RECK: variants seen among roughly 807,000 people sequenced by gnomAD.
RECK encodes the protein reversion inducing cysteine rich protein with kazal motifs, also known as reversion-inducing cysteine-rich protein with Kazal motifs.
In RECK, 69 loss-of-function variants were observed where a neutral mutation model predicts 115.1. The ratio of observed to expected loss-of-function variants is 0.60; its 90% CI spans 0.49 to 0.73. The LOEUF is 0.73. RECK is among the 30% of genes least tolerant of loss of function. The probability of loss-of-function intolerance (pLI) is 0.00; values close to 1 mark genes in which losing one functional copy is unlikely to be tolerated. For synonymous variants in RECK, 414 were observed against 419.7 expected (o/e 0.99, Z 0.17); for missense variants, 1,047 against 1,203.7 (o/e 0.87, Z 1.93).
intron 5 of RECK, 80 bp from the exon 6 acceptor site, chr9:36,065,497 C>A: frequency 1.8e-6 from 2 of 1,096,536 alleles, no homozygotes; most frequent in Non-Finnish European, 2.5e-6. Context: ...CAGTAATTAA[C>A]AAATGCTAAT....
rs1316333866 is a variant in RECK, at chr9:36,063,791, T to C, written c.272-4T>C. 6.2e-7 allele frequency: 1 copy of C among 1,613,656 alleles called. No individual in the cohort carries two copies. The highest frequency in any genetic ancestry group is 8.5e-7 in the Non-Finnish European group (1 of 1,179,686). On this transcript the variant is annotated splice_region_variant and splice_polypyrimidine_tract_variant and intron_variant, in intron 4 of 20. Coordinates refer to ENST00000377966, the MANE Select transcript of RECK (RefSeq NM_021111.3). ...CCAAAACATTTAAACATTTTGTTTT[T>C]AAGGTGTGTTTAAGAAGTCTGATGG...
At chr9:36,105,547 A>G (rs953677677) in intron 13 of RECK, among the ~76,000 whole-genome samples, 1 of 152,234 alleles carries the variant, frequency 6.6e-6, no homozygotes, top group African/African-American at 2.4e-5. Context: ...ACTAATAATA[A>G]CAGTCTAAAA....
At chr9:36,077,583 G>A (rs1050612447) in intron 6 of RECK, among the ~76,000 whole-genome samples, 1 of 151,668 alleles carries the variant, frequency 6.6e-6, no homozygotes, top group Non-Finnish European at 1.5e-5. Flanking sequence ...GGGTAAAGAG[G>A]CAAGATGGTA....
At chr9:36,058,033 G>A (rs2132575659) in intron 2 of RECK, among the ~76,000 whole-genome samples, 1 of 150,012 alleles carries the variant, frequency 6.7e-6, no homozygotes, top group Non-Finnish European at 1.5e-5. Flanking sequence ...GGAGAAATAG[G>A]AACACTTTTA....
intron 6 of RECK, among the ~76,000 whole-genome samples, chr9:36,080,379 G>C (rs1219591183): frequency 6.6e-6 from 1 of 152,166 alleles, no homozygotes. Flanking sequence ...GCTATAACTG[G>C]TCAGCTTATG....
At chr9:36,106,028 ATG>A (rs1823794935) in intron 13 of RECK, among the ~76,000 whole-genome samples, 1 of 151,940 alleles carries the variant, frequency 6.6e-6, no homozygotes, top group Non-Finnish European at 1.5e-5. Flanking sequence ...CCTGGCTAAC[ATG>A]GTGAAACCTT....
At chr9:36,095,986 T>C (rs542691571) in intron 10 of RECK, among the ~76,000 whole-genome samples, 2 of 149,850 alleles carry the variant, frequency 1.3e-5, no homozygotes, top group Admixed American at 1.3e-4. Context: ...GAGAATCTCT[T>C]GAACCTGGGA....
At position 36,112,158 on chromosome 9, in the gene RECK, C is replaced by T. The variant is rs1160740537; in HGVS notation, c.1889-147C>T. ...AAAAAAAAAAAACCCTGTCAGAGAT[C>T]GGAGAGAAGGTTTTTCCTGACTTAA... On this transcript the variant is annotated intron_variant, in intron 15 of 20. Coordinates refer to ENST00000377966, the MANE Select transcript of RECK (RefSeq NM_021111.3). 1.8e-5 allele frequency: 8 copies of T among 453,814 alleles called. No individual in the cohort carries two copies. The Admixed American group carries it at 1.8e-4, about 10-fold the overall frequency. 28.1% of individuals were successfully genotyped at this position (453,814 alleles called of 1,614,324 possible).
chr9:36,069,572 G>C lies in RECK; in HGVS notation c.405+3948G>C, dbSNP rs1255752826. Among the ~76,000 whole-genome samples, 3 of 151,948 alleles carry C rather than the reference G, an allele frequency of 2.0e-5. No homozygotes were observed. The South Asian group carries it at 6.2e-4, about 32-fold the overall frequency. ...GTATAATTGAAATACAAACACAATGGATGGGTGTTATAATAGTTTAGGTAC... is the reference window on the plus strand; with the variant it reads ...GTATAATTGAAATACAAACACAATGCATGGGTGTTATAATAGTTTAGGTAC... On this transcript the variant is annotated intron_variant, in intron 6 of 20. Transcript: ENST00000377966.
At chr9:36,114,353 C>T (rs934080799) in intron 16 of RECK, among the ~76,000 whole-genome samples, 2 of 152,184 alleles carry the variant, frequency 1.3e-5, no homozygotes, top group African/African-American at 2.4e-5. Context: ...ATTAAAACTA[C>T]AATTGTGTAC....
rs138973621 is a variant in RECK, at chr9:36,071,559, C to T, written c.405+5935C>T. 4.2e-3 allele frequency among the ~76,000 whole-genome samples: 642 copies of T among 152,236 alleles called. 5 individuals are homozygous for T. The highest frequency in any genetic ancestry group is 0.015 in the African/African-American group (606 of 41,556). The stretch of plus-strand genomic sequence containing the variant: ...TTTTTTACTTGTTTCTTCCTTCTTT[C>T]ACAGATTCTTCTCTAAGCTTTTCTT... On this transcript the variant is annotated intron_variant, in intron 6 of 20. Coordinates refer to ENST00000377966, the MANE Select transcript of RECK (RefSeq NM_021111.3).
At position 36,102,145 on chromosome 9, in the gene RECK, T is replaced by C; in HGVS notation, c.1350T>C (p.Pro450=). 6 of 1,613,896 alleles carry C rather than the reference T, an allele frequency of 3.7e-6. No homozygotes were observed. The highest frequency in any genetic ancestry group is 5.1e-6 in the Non-Finnish European group (6 of 1,179,798). Residue 450 remains proline (P), a synonymous_variant, in exon 12 of 21, where the codon CCT becomes CCC. Transcript: ENST00000377966. The part of the protein sequence containing the change: ...LKKCGDQNKF[P]EDHTAESICE... Reference sequence around the variant, plus strand: ...AATGTGGAGACCAGAACAAATTCCCTGAAGACCACACAGCTGAAAGTATTT... The same window carrying C: ...AATGTGGAGACCAGAACAAATTCCCCGAAGACCACACAGCTGAAAGTATTT...
chr9:36,038,879 C>T (rs1053182534), intron 1 of RECK, among the ~76,000 whole-genome samples: 1 of 151,598 alleles, frequency 6.6e-6, no homozygotes, highest in East Asian at 1.9e-4. Flanking sequence ...TATGAAGTTT[C>T]TTTTGGGAGT....
chr9:36,076,940 G>A (rs1393890666), intron 6 of RECK, among the ~76,000 whole-genome samples: 1 of 152,138 alleles, frequency 6.6e-6, no homozygotes, highest in Non-Finnish European at 1.5e-5. Context: ...GGCAGTCTGG[G>A]TTCCAGCCCT....
chr9:36,042,920 GGTA>G, intron 1 of RECK, among the ~76,000 whole-genome samples: 2 of 151,030 alleles, frequency 1.3e-5, no homozygotes, highest in Admixed American at 1.3e-4. Context: ...GCATTTCCCT[GGTA>G]ATTAGTGATG....
intron 13 of RECK, among the ~76,000 whole-genome samples, chr9:36,105,879 A>G (rs575582800): frequency 3.3e-5 from 5 of 152,202 alleles, no homozygotes; most frequent in African/African-American, 9.6e-5. Context: ...CTTTTTATCT[A>G]TTTCCCAATT....
intron 16 of RECK, among the ~76,000 whole-genome samples, chr9:36,114,439 G>A (rs145268322): frequency 1.0e-3 from 152 of 152,336 alleles, no homozygotes; most frequent in African/African-American, 3.4e-3. Flanking sequence ...TCATACAAGA[G>A]GGAGCTGGAG....
At chr9:36,046,149 CTA>C (rs1821065095) in intron 1 of RECK, among the ~76,000 whole-genome samples, 1 of 152,058 alleles carries the variant, frequency 6.6e-6, no homozygotes, top group South Asian at 2.1e-4. Flanking sequence ...GAGTTTTAAA[CTA>C]TTATTCTTGA....
chr9:36,070,024 G>A (rs1260873991), intron 6 of RECK, among the ~76,000 whole-genome samples: 1 of 152,142 alleles, frequency 6.6e-6, no homozygotes, highest in African/African-American at 2.4e-5. Flanking sequence ...GCAAAATTAA[G>A]CTAGTTCTAA....
Sources: gnomAD v4.1 joint callset for allele counts (sites outside exome capture counted in the v4.1 genomes callset) on GRCh38, gnomAD v4.1.1 for gene constraint, MANE v1.5 for transcripts, NCBI Gene and HGNC (gene_info 2026-07-23, HGNC 2026-07-21) for gene names.